The following CCDC61 variants were observed in gnomAD, a reference collection of about 807,000 sequenced individuals.
CCDC61 encodes the protein coiled-coil domain containing 61, also known as centrosomal protein CCDC61.
In CCDC61, 55 loss-of-function variants were observed where a neutral mutation model predicts 63.0. The ratio of observed to expected loss-of-function variants is 0.87; its 90% confidence interval spans 0.70 to 1.09. The LOEUF (loss-of-function observed/expected upper bound fraction) is 1.09. Ranked by LOEUF, CCDC61 falls within the 50% of genes least tolerant of loss-of-function variation. The pLI is 0.00. For missense variants in CCDC61, 651 were observed against 731.4 expected (o/e 0.89, Z 1.27); for synonymous variants, 270 against 317.0 (o/e 0.85, Z 1.58).
At chr19:46,013,929 C>A (rs1301395240) in intron 5 of CCDC61, among the ~76,000 whole-genome samples, 1 of 151,918 alleles carries the variant, frequency 6.6e-6, no homozygotes, top group East Asian at 1.9e-4. Flanking sequence ...CCCGCTTGCT[C>A]AAACGATGTG....
intron 3 of CCDC61, 40 bp downstream of exon 3, chr19:46,003,541 C>A: frequency 7.4e-7 from 1 of 1,348,984 alleles, no homozygotes; most frequent in Non-Finnish European, 1.1e-6. Flanking sequence ...GAGGGGGGTT[C>A]TGTCTTCCAG....
rs538002563 is a variant in CCDC61 at position 46,007,802 on chromosome 19, G to A, written c.390-338G>A. 1.2e-3 allele frequency among the ~76,000 whole-genome samples: 179 copies of A among 152,262 alleles called. 1 individual carries two copies. The highest frequency in any genetic ancestry group is 3.0e-3 in the African/African-American group (123 of 41,558). On this transcript the variant is annotated intron_variant, in intron 4 of 13. Transcript: ENST00000595358. ...CAGGCCAGGCCAACCAGAATGCCCC[G>A]CTGTGGCATCTGAATTAGGATTGCG...
At chr19:46,009,842 G>A (rs988394183) in intron 5 of CCDC61, among the ~76,000 whole-genome samples, 1 of 124,986 alleles carries the variant, frequency 8.0e-6, no homozygotes, top group African/African-American at 3.1e-5. Context: ...GTGTGTGCGC[G>A]CGCGTTTGCT....
intron 5 of CCDC61, among the ~76,000 whole-genome samples, chr19:46,011,408 AT>A (rs1037940215): frequency 1.8e-4 from 27 of 152,188 alleles, no homozygotes; most frequent in African/African-American, 6.5e-4. Flanking sequence ...CATGCTACTT[AT>A]TTGTGGAAGA....
intron 5 of CCDC61, among the ~76,000 whole-genome samples, chr19:46,011,475 C>G (rs1398808281): frequency 6.6e-6 from 1 of 152,174 alleles, no homozygotes; most frequent in Non-Finnish European, 1.5e-5. Flanking sequence ...GAATTTTTCC[C>G]TAGCAAGCAT....
Position 46,015,208 on chromosome 19 carries a change from G to A in CCDC61, c.711G>A (p.Gly237=). The A allele has an allele frequency of 1.5e-6, 2 of 1,317,202 alleles. No individual in the cohort carries two copies. Among genetic ancestry groups the A allele is most frequent in the South Asian group, 2.1e-5 (1 of 48,298 alleles). 81.6% of individuals were successfully genotyped at this position (1,317,202 alleles called of 1,614,324 possible). ...ELELRQERGL[G]HRVAGRRGQD... is the part of the protein sequence containing the mutation. The stretch of plus-strand genomic sequence containing the variant: ...AGCTGCGGCAGGAGCGCGGCCTCGG[G>A]CACAGGGTGGCCGGCCGTCGCGGCC... Residue 237 remains glycine, a synonymous_variant, in exon 6 of 14, where the codon GGG becomes GGA. Transcript: ENST00000595358. The surrounding 1 kb of genome is among the most constrained non-coding windows in gnomAD (Gnocchi z 5.3).
intron 4 of CCDC61, 125 bp from the exon 5 acceptor site, chr19:46,008,015 C>A: frequency 5.8e-6 from 6 of 1,029,060 alleles, no homozygotes; most frequent in Non-Finnish European, 8.4e-6. Flanking sequence ...TGCTCATAAG[C>A]CTCTAGGACA....
intron 5 of CCDC61, among the ~76,000 whole-genome samples, chr19:46,014,493 T>G (rs1968886639): frequency 6.6e-6 from 1 of 152,266 alleles, no homozygotes; most frequent in African/African-American, 2.4e-5. Flanking sequence ...GTAGATGTAT[T>G]AGAAATTCAA....
Position 46,016,866 on chromosome 19 carries a change from A to G in CCDC61, c.1231+33A>G. 2 of 1,058,824 alleles carry G rather than the reference A, an allele frequency of 1.9e-6. No homozygotes were observed. The highest frequency in any genetic ancestry group is 2.4e-6 in the Non-Finnish European group (2 of 825,520). 65.6% of individuals were successfully genotyped at this position (1,058,824 alleles called of 1,614,324 possible). On this transcript the variant is annotated intron_variant, in intron 10 of 13. Coordinates refer to ENST00000595358, the MANE Select transcript of CCDC61 (RefSeq NM_001267723.2). The surrounding 1 kb of genome is among the most constrained non-coding windows in gnomAD (Gnocchi z 7.2). ...GCCTGGAGCTGGGGGCTGCCGGGCT[A>G]GGCGGGACTGGGCGGGGCTGGGCGG...
Position 46,017,396 on chromosome 19 carries a change from A to G in CCDC61, c.1368+92A>G. On this transcript the variant is annotated intron_variant, in intron 12 of 13. Coordinates refer to ENST00000595358, the MANE Select transcript of CCDC61 (RefSeq NM_001267723.2). ...GGGATCAGGTGCAGAGGCGACTCTG[A>G]ATGCCTTTGGCAATAGGGCTTTTTT... is the stretch of plus-strand genomic sequence containing the variant. 5 of 1,239,106 alleles carry G rather than the reference A, an allele frequency of 4.0e-6. No individual in the cohort carries two copies. In the South Asian group the frequency reaches 6.9e-5, roughly 17 times the overall value. The allele number at this position is 1,239,106 out of a possible 1,614,324, so 76.8% of individuals were successfully genotyped here. A position where few individuals can be genotyped will look rare whatever the true frequency, so the allele number is the denominator to read the frequency against.
intron 4 of CCDC61, among the ~76,000 whole-genome samples, 185 bp downstream of exon 4, chr19:46,006,901 C>G (rs911568799): frequency 3.3e-5 from 5 of 152,212 alleles, no homozygotes; most frequent in African/African-American, 9.6e-5. Context: ...GAATAACCAT[C>G]ACCAGTGCCC....
chr19:46,004,927 G>A (rs1229951753), intron 3 of CCDC61, among the ~76,000 whole-genome samples: 2 of 137,774 alleles, frequency 1.5e-5, no homozygotes, highest in Admixed American at 7.7e-5. Flanking sequence ...CAACCTCCGC[G>A]TCTCGGGTTC....
chr19:46,008,845 G>T (rs1048619925), intron 5 of CCDC61, among the ~76,000 whole-genome samples: 1 of 152,178 alleles, frequency 6.6e-6, no homozygotes, highest in Admixed American at 6.5e-5. Flanking sequence ...TGAAGGCTCT[G>T]GGTGGGGTAC....
intron 1 of CCDC61, among the ~76,000 whole-genome samples, chr19:45,997,427 G>A (rs983529930): frequency 6.6e-6 from 1 of 152,124 alleles, no homozygotes; most frequent in Non-Finnish European, 1.5e-5. Context: ...ACTCTTGCGG[G>A]TCACCCAGGC....
chr19:46,006,415 A>G (rs1968710437), intron 3 of CCDC61, 144 bp from the exon 4 acceptor site: 1 of 667,352 alleles, frequency 1.5e-6, no homozygotes, highest in African/African-American at 1.8e-5. Context: ...GCCCTAGGAC[A>G]GGGCCATGTT....
Position 46,008,164 on chromosome 19 carries a change from G to A in CCDC61, c.414G>A (p.Pro138=), listed in dbSNP as rs202090168. Residue 138 remains proline (P), a synonymous_variant, in exon 5 of 14, where the codon CCG becomes CCA. Coordinates refer to ENST00000595358, the MANE Select transcript of CCDC61 (RefSeq NM_001267723.2). ...FDRIHYPLPL[P]YQGKPDPVVL... ...GGATTCACTACCCGCTGCCCCTCCCGTACCAGGGCAAGCCAGACCCCGTGG... is the reference window on the plus strand; with the variant it reads ...GGATTCACTACCCGCTGCCCCTCCCATACCAGGGCAAGCCAGACCCCGTGG... The A allele has an allele frequency of 9.6e-5, 154 of 1,611,610 alleles. No homozygotes were observed. The highest frequency in any genetic ancestry group is 2.1e-4 in the South Asian group (19 of 90,542).
At position 46,015,486 on chromosome 19, in the gene CCDC61, C is replaced by T; in HGVS notation, c.845+59C>T. The T allele has an allele frequency of 2.9e-6, 3 of 1,029,470 alleles. No individual in the cohort carries two copies. Among genetic ancestry groups the T allele is most frequent in the Non-Finnish European group, 3.7e-6 (3 of 810,716 alleles). The allele number at this position is 1,029,470 out of a possible 1,614,324, so 63.8% of individuals were successfully genotyped here. ...TGGGCGGGCCCTGAGGGTGTGGAGG[C>T]TGATGAGGCGGAGCCTAAGGGGGCG... On this transcript the variant is annotated intron_variant, in intron 7 of 13. Coordinates refer to ENST00000595358, the MANE Select transcript of CCDC61 (RefSeq NM_001267723.2). This position sits in a 1 kb window ranked among gnomAD's most constrained non-coding sequence, Gnocchi z 5.3.
intron 3 of CCDC61, among the ~76,000 whole-genome samples, chr19:46,004,521 G>A (rs1968660131): frequency 6.6e-6 from 1 of 152,170 alleles, no homozygotes; most frequent in Non-Finnish European, 1.5e-5. Flanking sequence ...CTGGAGTGCA[G>A]TGGCGTGATC....
intron 5 of CCDC61, among the ~76,000 whole-genome samples, chr19:46,009,802 C>CTGTGTGTG (rs905313232): frequency 7.8e-6 from 1 of 128,218 alleles, no homozygotes; most frequent in Admixed American, 7.3e-5. Context: ...TGCTCTCAGG[C>CTGTGTGTG]TGTGTGTGTG....
Sources: allele counts gnomAD v4.1 joint callset (sites outside exome capture counted in the v4.1 genomes callset), GRCh38; gene constraint gnomAD v4.1.1; non-coding constraint Gnocchi (gnomAD v3.1); transcripts MANE v1.5; gene names NCBI Gene and HGNC (gene_info 2026-07-23, HGNC 2026-07-21).